ARHGAP26: variants seen among roughly 807,000 people sequenced by gnomAD.
ARHGAP26 encodes the protein rho GTPase-activating protein 26.
In ARHGAP26, 38 loss-of-function variants were observed where a neutral mutation model predicts 104.8. That is an observed-to-expected ratio of 0.36 (90% CI 0.28 to 0.48). ARHGAP26 has a LOEUF of 0.48. Ranked by LOEUF, ARHGAP26 falls within the 20% of genes least tolerant of loss-of-function variation. ARHGAP26 has a pLI of 0.99. For missense variants in ARHGAP26, 704 were observed against 947.9 expected, an observed-to-expected ratio of 0.74 and a Z score of 3.38; for synonymous variants, 341 against 340.0, an observed-to-expected ratio of 1.00 and a Z score of -0.03.
intron 11 of ARHGAP26, among the ~76,000 whole-genome samples, chr5:142,996,485 T>A (rs1480495740): frequency 1.3e-5 from 2 of 152,144 alleles, no homozygotes; most frequent in Admixed American, 6.6e-5. Context: ...AGAGCAAGAC[T>A]CTGTCTTGAA....
intron 17 of ARHGAP26, among the ~76,000 whole-genome samples, chr5:143,075,818 C>T (rs1469597451): frequency 6.6e-6 from 1 of 151,534 alleles, no homozygotes; most frequent in African/African-American, 2.4e-5. Flanking sequence ...CCCACCTCAG[C>T]CTTCCAAGTA....
chr5:142,880,246 G>A (rs1015907402), intron 4 of ARHGAP26, among the ~76,000 whole-genome samples: 9 of 152,184 alleles, frequency 5.9e-5, no homozygotes, highest in Non-Finnish European at 8.8e-5. Flanking sequence ...AGGGCTGGGC[G>A]CAGTGGCTCA....
intron 11 of ARHGAP26, among the ~76,000 whole-genome samples, chr5:142,972,415 C>G (rs937915497): frequency 3.9e-5 from 6 of 152,146 alleles, no homozygotes; most frequent in African/African-American, 1.4e-4. Flanking sequence ...GGAGCCAACA[C>G]TAGGGGACTG....
chr5:143,211,766 C>T (rs1307360792), intron 21 of ARHGAP26, among the ~76,000 whole-genome samples: 1 of 151,668 alleles, frequency 6.6e-6, no homozygotes, highest in Non-Finnish European at 1.5e-5. Flanking sequence ...ATGGAGGTCT[C>T]TACAGTCTGG....
chr5:143,079,487 C>T (rs1191128222), intron 17 of ARHGAP26, among the ~76,000 whole-genome samples: 4 of 152,302 alleles, frequency 2.6e-5, no homozygotes, highest in East Asian at 1.9e-4. Flanking sequence ...TCAGAGTTAA[C>T]GGTGCTGTGC....
chr5:143,206,727 G>A (rs10515520), intron 20 of ARHGAP26, among the ~76,000 whole-genome samples: 25,085 of 152,120 alleles, frequency 0.16, 2,109 homozygotes, highest in African/African-American at 0.19. Flanking sequence ...GCAAACAGGA[G>A]ATTATTTTCT....
chr5:142,972,923 AT>A (rs1020955998), intron 11 of ARHGAP26, among the ~76,000 whole-genome samples: 1 of 149,670 alleles, frequency 6.7e-6, no homozygotes, highest in African/African-American at 2.5e-5. Context: ...TATTATTTTA[AT>A]TTTTTTCTGT....
intron 11 of ARHGAP26, among the ~76,000 whole-genome samples, chr5:142,949,644 A>AGG (rs1429931147): frequency 6.6e-6 from 1 of 152,146 alleles, no homozygotes; most frequent in Non-Finnish European, 1.5e-5. Context: ...TCAGAATCAA[A>AGG]GGAGGATTGG....
chr5:143,068,677 A>G (rs1267447731), intron 17 of ARHGAP26, among the ~76,000 whole-genome samples: 1 of 152,218 alleles, frequency 6.6e-6, no homozygotes, highest in Admixed American at 6.5e-5. Context: ...AAAAGCAACA[A>G]CTACAAAGAA....
At chr5:143,128,316 A>G (rs1220473941) in intron 18 of ARHGAP26, among the ~76,000 whole-genome samples, 1 of 152,212 alleles carries the variant, frequency 6.6e-6, no homozygotes, top group Non-Finnish European at 1.5e-5. Context: ...GTCAGCAAAG[A>G]GAACAGGAAA....
intron 11 of ARHGAP26, among the ~76,000 whole-genome samples, chr5:142,969,002 G>T (rs1030548602): frequency 3.3e-5 from 5 of 152,204 alleles, no homozygotes; most frequent in Admixed American, 1.3e-4. Context: ...CGCACTCATG[G>T]CTCATTGTAG....
intron 21 of ARHGAP26, among the ~76,000 whole-genome samples, chr5:143,209,409 A>T (rs559456384): frequency 6.6e-6 from 1 of 152,282 alleles, no homozygotes; most frequent in East Asian, 1.9e-4. Context: ...CTGGGGTCAC[A>T]GTTACTCAGT....
At chr5:143,159,951 A>C (rs1800990638) in intron 20 of ARHGAP26, among the ~76,000 whole-genome samples, 1 of 150,854 alleles carries the variant, frequency 6.6e-6, no homozygotes, top group African/African-American at 2.4e-5. Flanking sequence ...ATGTGTGTGC[A>C]TTGATTGTTT....
intron 10 of ARHGAP26, among the ~76,000 whole-genome samples, chr5:142,920,750 C>CT (rs1226775508): frequency 6.6e-6 from 1 of 152,144 alleles, no homozygotes; most frequent in East Asian, 1.9e-4. Context: ...ATAAACTTAT[C>CT]TTCATGGAGC....
chr5:142,775,591 A>G (rs1422557455), intron 1 of ARHGAP26, among the ~76,000 whole-genome samples: 1 of 152,180 alleles, frequency 6.6e-6, no homozygotes, highest in Non-Finnish European at 1.5e-5. Flanking sequence ...GAACATTTTC[A>G]TAATCTCAAA....
At chr5:142,821,269 C>T (rs1766111563) in intron 1 of ARHGAP26, among the ~76,000 whole-genome samples, 1 of 147,892 alleles carries the variant, frequency 6.8e-6, no homozygotes, top group Non-Finnish European at 1.5e-5. Context: ...TTGGTGTTGG[C>T]AGCAGTTGGC....
intron 17 of ARHGAP26, among the ~76,000 whole-genome samples, chr5:143,067,149 T>C (rs1182448136): frequency 2.0e-5 from 3 of 152,152 alleles, no homozygotes; most frequent in African/African-American, 7.2e-5. Context: ...TGGCGCGTTA[T>C]ATCATGAAGA....
At chr5:142,918,618 C>A (rs924789105) in intron 10 of ARHGAP26, among the ~76,000 whole-genome samples, 2 of 152,104 alleles carry the variant, frequency 1.3e-5, no homozygotes, top group African/African-American at 4.8e-5. Flanking sequence ...CCTCTAATTT[C>A]TTTTCTCTAG....
chr5:142,981,317 G>C (rs1472947362), intron 11 of ARHGAP26, among the ~76,000 whole-genome samples: 1 of 152,186 alleles, frequency 6.6e-6, no homozygotes, highest in African/African-American at 2.4e-5. Context: ...TCACCAGTGT[G>C]CTGGGAGGAT....
Sources: gnomAD v4.1 joint callset for allele counts (sites outside exome capture counted in the v4.1 genomes callset) on GRCh38, gnomAD v4.1.1 for gene constraint, MANE v1.5 for transcripts, NCBI Gene and HGNC (gene_info 2026-07-23, HGNC 2026-07-21) for gene names.